The following NCS1 variants were observed in gnomAD, a reference collection of about 807,000 sequenced individuals.
NCS1 encodes neuronal calcium sensor 1, also known as frequenin homolog.
Under a neutral mutation model 28.4 loss-of-function variants are expected in NCS1, and 6 were observed. The ratio of observed to expected loss-of-function variants is 0.21; its 90% CI spans 0.12 to 0.42. The LOEUF (loss-of-function observed/expected upper bound fraction) is 0.42. Ranked by LOEUF, NCS1 falls within the 10% of genes least tolerant of loss-of-function variation. The probability of loss-of-function intolerance (pLI) is 1.00; values close to 1 mark genes in which losing one functional copy is unlikely to be tolerated. For synonymous variants in NCS1, 86 were observed against 99.3 expected, an observed-to-expected ratio of 0.87 and a Z score of 0.79; for missense variants, 131 against 241.4, an observed-to-expected ratio of 0.54 and a Z score of 3.03.
intron 2 of NCS1, among the ~76,000 whole-genome samples, chr9:130,207,370 C>CACTT (rs1833039546): frequency 6.6e-6 from 1 of 152,250 alleles, no homozygotes; most frequent in South Asian, 2.1e-4. Flanking sequence ...GCACTGGCCA[C>CACTT]ACTTGCTGTC....
chr9:130,230,883 A>G (rs7873936), intron 7 of NCS1, among the ~76,000 whole-genome samples: 118,819 of 151,520 alleles, frequency 0.78, 46,976 homozygotes, highest in East Asian at 0.87. Flanking sequence ...TTTCTAAAAG[A>G]TAAAGATTCT....
At position 130,234,273 on chromosome 9, in the gene NCS1, G is replaced by A. The variant is rs374154868; in HGVS notation, c.*1301G>A. The stretch of plus-strand genomic sequence containing the variant: ...GGCCTTCTCTTGGCTCAAAGGCTGG[G>A]AGGGAGGGAAGGAGAGAAGAGTTCC... On this transcript the variant is annotated 3_prime_UTR_variant, in exon 8 of 8. Coordinates refer to ENST00000372398, the MANE Select transcript of NCS1 (RefSeq NM_014286.4). The surrounding 1 kb of genome is among the most constrained non-coding windows in gnomAD (Gnocchi z 6.1). 2.6e-5 allele frequency: 4 copies of A among 152,424 alleles called. No homozygotes were observed. The highest frequency in any genetic ancestry group is 1.9e-4 in the East Asian group (1 of 5,182). The allele number at this position is 152,424 out of a possible 1,614,324, so 9.4% of individuals were successfully genotyped here. A position where few individuals can be genotyped will look rare whatever the true frequency, so the allele number is the denominator to read the frequency against.
chr9:130,207,003 T>C (rs1305162636), intron 2 of NCS1, among the ~76,000 whole-genome samples: 1 of 152,106 alleles, frequency 6.6e-6, no homozygotes, highest in Admixed American at 6.5e-5. Flanking sequence ...TGTGTGGGGC[T>C]CCCCTTGTCT....
At chr9:130,174,388 T>C (rs536706625) in intron 1 of NCS1, among the ~76,000 whole-genome samples, 4 of 152,334 alleles carry the variant, frequency 2.6e-5, no homozygotes, top group African/African-American at 9.6e-5. Context: ...GGCTGGGTGC[T>C]GCTACGATCT....
intron 2 of NCS1, among the ~76,000 whole-genome samples, chr9:130,213,647 G>A (rs367928520): frequency 2.2e-4 from 34 of 151,396 alleles, no homozygotes; most frequent in African/African-American, 7.8e-4. Context: ...GTGCAGTGGC[G>A]TGATCTCGGC....
At chr9:130,225,689 T>C (rs75425585) in intron 6 of NCS1, among the ~76,000 whole-genome samples, 8,939 of 152,302 alleles carry the variant, frequency 0.059, 794 homozygotes, top group African/African-American at 0.19. Flanking sequence ...CACTGAGGGT[T>C]GCGCCGAGCT....
Position 130,226,636 on chromosome 9 carries a change from AGCTGGGAGGAGGAG to A in NCS1, c.*17+138_*17+151del, listed in dbSNP as rs202190198. 12,517 of 667,774 alleles carry A rather than the reference AGCTGGGAGGAGGAG, an allele frequency of 0.019. 185 individuals carry two copies. Among genetic ancestry groups the A allele is most frequent in the South Asian group, 0.023 (1,233 of 54,634 alleles). The allele number at this position is 667,774 out of a possible 1,614,324, so 41.4% of individuals were successfully genotyped here. Reference sequence around the variant, plus strand: ...GTTGTGGTCAGCCTAGCAGGGACATAGCTGGGAGGAGGAGGCTGGAAGGGGGGCCTTCAAATTGG... The same window carrying A: ...GTTGTGGTCAGCCTAGCAGGGACATAGCTGGAAGGGGGGCCTTCAAATTGG... On this transcript the variant is annotated intron_variant, in intron 7 of 7. Transcript: ENST00000372398. This position sits in a 1 kb window ranked among gnomAD's most constrained non-coding sequence, Gnocchi z 4.8.
chr9:130,200,750 C>T, intron 1 of NCS1: 1 of 1,400,818 alleles, frequency 7.1e-7, no homozygotes, highest in Non-Finnish European at 1.0e-6. Context: ...AGGGGTGGGG[C>T]CAGTGTCCCC....
At chr9:130,203,359 C>T (rs556627876) in intron 2 of NCS1, among the ~76,000 whole-genome samples, 1 of 152,174 alleles carries the variant, frequency 6.6e-6, no homozygotes, top group Admixed American at 6.6e-5. Flanking sequence ...CAAGCCTTGG[C>T]CTCCCAAAAT....
intron 7 of NCS1, among the ~76,000 whole-genome samples, chr9:130,230,777 A>C (rs1296448211): frequency 1.4e-5 from 2 of 139,004 alleles, no homozygotes; most frequent in East Asian, 4.4e-4. Flanking sequence ...GTTCCCTGCC[A>C]ATCTTGTACC....
At chr9:130,230,853 T>G (rs1265587484) in intron 7 of NCS1, among the ~76,000 whole-genome samples, 8 of 141,776 alleles carry the variant, frequency 5.6e-5, no homozygotes, top group African/African-American at 2.1e-4. Context: ...ATCATCATAC[T>G]TAATCCATTT....
At chr9:130,223,276 C>T in intron 6 of NCS1, 117 bp downstream of exon 6, 3 of 895,104 alleles carry the variant, frequency 3.4e-6, no homozygotes, top group Non-Finnish European at 1.8e-6. Flanking sequence ...TGGCTCACGG[C>T]AGGCGGCACG....
Position 130,172,987 on chromosome 9 carries a change from G to T in NCS1, c.64+260G>T, listed in dbSNP as rs554024111. ...CGGCGCCACCCCTAGGTCCGGAGGG[G>T]CAGCCCCAGCCCCCTGGCGGCCCCC... On this transcript the variant is annotated intron_variant, in intron 1 of 7. Coordinates refer to ENST00000372398, the MANE Select transcript of NCS1 (RefSeq NM_014286.4). 7.6e-3 allele frequency among the ~76,000 whole-genome samples: 1,152 copies of T among 152,018 alleles called. 13 individuals carry two copies. The highest frequency in any genetic ancestry group is 0.027 in the African/African-American group (1,102 of 41,484).
Position 130,179,505 on chromosome 9 carries a change from C to T in NCS1, c.64+6778C>T, listed in dbSNP as rs1477112307. Among the ~76,000 whole-genome samples, 14 of 152,276 alleles carry T rather than the reference C, an allele frequency of 9.2e-5. No homozygotes were observed. In the South Asian group the frequency reaches 2.1e-3, roughly 23 times the overall value. On this transcript the variant is annotated intron_variant, in intron 1 of 7. Coordinates refer to ENST00000372398, the MANE Select transcript of NCS1 (RefSeq NM_014286.4). ...CTTTGCACTAAATCTTTGCACTTAT[C>T]TTTTCTTGAAGATAAGAACCCAGAA...
intron 1 of NCS1, chr9:130,200,612 G>GT: frequency 6.4e-7 from 1 of 1,551,800 alleles, no homozygotes; most frequent in Middle Eastern, 1.7e-4. Flanking sequence ...ATGGCAACGA[G>GT]TAAGTCTTAG....
At chr9:130,222,927 T>C (rs925061843) in intron 5 of NCS1, among the ~76,000 whole-genome samples, 155 bp from the exon 6 acceptor site, 2 of 110,054 alleles carry the variant, frequency 1.8e-5, no homozygotes, top group Non-Finnish European at 3.8e-5. Flanking sequence ...GGCTGGGGTG[T>C]GGGATGTTCC....
intron 1 of NCS1, among the ~76,000 whole-genome samples, chr9:130,187,402 C>T (rs1359069104): frequency 1.3e-5 from 2 of 152,158 alleles, no homozygotes; most frequent in Non-Finnish European, 2.9e-5. Context: ...ACCCTCCGCT[C>T]TTAAAGGGCC....
rs1180651922 is a variant in NCS1, at chr9:130,186,002, C to T, written c.64+13275C>T. 6.6e-6 allele frequency among the ~76,000 whole-genome samples: 1 copy of T among 152,260 alleles called. No individual in the cohort carries two copies. Among genetic ancestry groups the T allele is most frequent in the Non-Finnish European group, 1.5e-5 (1 of 68,044 alleles). ...AGCTCAGGTTCTGTGGAGCTGGGGA[C>T]GGCCTTGAGAAGAGATCTAGGTGCA... On this transcript the variant is annotated intron_variant, in intron 1 of 7. Transcript: ENST00000372398. The surrounding 1 kb of genome is among the most constrained non-coding windows in gnomAD (Gnocchi z 4.1).
Position 130,191,502 on chromosome 9 carries a change from G to A in NCS1, c.65-9456G>A, listed in dbSNP as rs1226565528. On this transcript the variant is annotated intron_variant, in intron 1 of 7. Transcript: ENST00000372398. The surrounding 1 kb of genome is among the most constrained non-coding windows in gnomAD (Gnocchi z 6.4). The stretch of plus-strand genomic sequence containing the variant: ...TCTTTTACATGGAGGCGAGGCAGCC[G>A]TGGGGATGTAAGGAAGGGAAGTGGG... Among the ~76,000 whole-genome samples, 3 of 152,232 alleles carry A rather than the reference G, an allele frequency of 2.0e-5. No individual in the cohort carries two copies. Among genetic ancestry groups the A allele is most frequent in the South Asian group, 4.1e-4 (2 of 4,836 alleles).
Sources: allele counts gnomAD v4.1 joint callset (sites outside exome capture counted in the v4.1 genomes callset), GRCh38; gene constraint gnomAD v4.1.1; non-coding constraint Gnocchi (gnomAD v3.1); transcripts MANE v1.5; gene names NCBI Gene and HGNC (gene_info 2026-07-23, HGNC 2026-07-21).